Variants in ZC3H12B observed in about 807,000 individuals in gnomAD.
ZC3H12B encodes probable ribonuclease ZC3H12B.
A neutral mutation model predicts 43.9 loss-of-function variants in ZC3H12B; 7 were observed. The ratio of observed to expected loss-of-function variants is 0.16; its 90% CI spans 0.09 to 0.30. The LOEUF (loss-of-function observed/expected upper bound fraction) is 0.30. Among genes scored for constraint, ZC3H12B ranks in the 10% least tolerant of loss-of-function variants. The probability of loss-of-function intolerance (pLI) is 1.00; values close to 1 mark genes in which losing one functional copy is unlikely to be tolerated. For synonymous variants in ZC3H12B, 222 were observed against 241.7 expected, an observed-to-expected ratio of 0.92 and a Z score of 0.76; for missense variants, 475 against 670.2, an observed-to-expected ratio of 0.71 and a Z score of 3.22.
At chrX:65,112,100 C>G in the ZC3H12B span, among the ~76,000 whole-genome samples, 3 of 112,056 alleles carry the variant, frequency 2.7e-5, no homozygotes, top group South Asian at 1.1e-3. Flanking sequence ...ATAAATGACA[C>G]GAAAGTAAAA....
the ZC3H12B span, among the ~76,000 whole-genome samples, chrX:65,227,784 A>G: frequency 2.7e-5 from 3 of 111,750 alleles, no homozygotes; most frequent in Non-Finnish European, 5.6e-5. Context: ...AAAATCTAGA[A>G]GAAATGGATA....
At chrX:65,326,567 GAAAA>G in the ZC3H12B span, among the ~76,000 whole-genome samples, 2 of 102,129 alleles carry the variant, frequency 2.0e-5, no homozygotes, top group Non-Finnish European at 4.0e-5. Context: ...TGCTTGGATA[GAAAA>G]AAAAAAGACC....
intron 3 of ZC3H12B, among the ~76,000 whole-genome samples, chrX:65,468,474 ATTCT>A (rs1369720295): frequency 3.1e-5 from 3 of 96,364 alleles, no homozygotes; most frequent in Non-Finnish European, 6.0e-5. Context: ...AGGATTGTTT[ATTCT>A]TTCTTTCTTT....
chrX:65,299,831 A>G, the ZC3H12B span, among the ~76,000 whole-genome samples: 1 of 112,512 alleles, frequency 8.9e-6, no homozygotes, highest in African/African-American at 3.2e-5. Flanking sequence ...AAAAACTGTG[A>G]GTGCCCAAAG....
chrX:65,457,441 TG>T (rs1420327483), intron 3 of ZC3H12B, among the ~76,000 whole-genome samples: 1 of 71,494 alleles, frequency 1.4e-5, no homozygotes, highest in African/African-American at 7.0e-5. Context: ...GGGAGGGTGG[TG>T]GGGGGGTCAG....
intron 3 of ZC3H12B, among the ~76,000 whole-genome samples, chrX:65,418,563 C>CCCA (rs1416603785): frequency 9.0e-6 from 1 of 111,473 alleles, no homozygotes; most frequent in Non-Finnish European, 1.9e-5. Flanking sequence ...GGTGTGGTTA[C>CCCA]CTTAATGGAC....
intron 2 of ZC3H12B, among the ~76,000 whole-genome samples, chrX:65,376,558 C>T (rs972876154): frequency 3.6e-5 from 4 of 111,678 alleles, no homozygotes; most frequent in African/African-American, 1.3e-4. Context: ...CACCTAGCTC[C>T]AAGCAGCTCA....
chrX:65,264,255 G>A, the ZC3H12B span, among the ~76,000 whole-genome samples: 7 of 111,298 alleles, frequency 6.3e-5, no homozygotes, highest in East Asian at 1.1e-3. Flanking sequence ...AGACTTCACC[G>A]CTATACAGTT....
the ZC3H12B span, among the ~76,000 whole-genome samples, chrX:65,088,630 A>G: frequency 8.9e-6 from 1 of 112,242 alleles, no homozygotes; most frequent in African/African-American, 3.2e-5. Flanking sequence ...AGAATGATGT[A>G]TTGAACTCCT....
the ZC3H12B span, among the ~76,000 whole-genome samples, chrX:65,281,947 G>A: frequency 1.1e-4 from 12 of 111,472 alleles, no homozygotes; most frequent in Admixed American, 5.7e-4. Flanking sequence ...ACGCAAGGAC[G>A]GTTAAACATA....
the ZC3H12B span, among the ~76,000 whole-genome samples, chrX:65,206,682 G>C: frequency 9.0e-6 from 1 of 111,497 alleles, no homozygotes; most frequent in African/African-American, 3.3e-5. Flanking sequence ...AAACTAAAAA[G>C]CTTCTGCACA....
intron 3 of ZC3H12B, among the ~76,000 whole-genome samples, chrX:65,448,504 A>G (rs990316014): frequency 9.0e-6 from 1 of 111,490 alleles, no homozygotes; most frequent in African/African-American, 3.3e-5. Flanking sequence ...CTAAGTGCCC[A>G]TCAACAAATG....
chrX:65,036,041 T>A, the ZC3H12B span, among the ~76,000 whole-genome samples: 139 of 111,787 alleles, frequency 1.2e-3, no homozygotes, highest in African/African-American at 4.4e-3. Flanking sequence ...GTGATATATC[T>A]GTTCTTCCTG....
chrX:65,416,237 T>C (rs919837302), intron 3 of ZC3H12B, among the ~76,000 whole-genome samples: 1 of 111,542 alleles, frequency 9.0e-6, no homozygotes, highest in Non-Finnish European at 1.9e-5. Flanking sequence ...CTCAATAGCC[T>C]CAGAAAAATA....
At chrX:65,219,973 A>G in the ZC3H12B span, among the ~76,000 whole-genome samples, 1 of 111,383 alleles carries the variant, frequency 9.0e-6, no homozygotes, top group Non-Finnish European at 1.9e-5. Context: ...CAGATAAACT[A>G]TACAGAAAAA....
At chrX:65,141,925 G>A in the ZC3H12B span, among the ~76,000 whole-genome samples, 14 of 111,805 alleles carry the variant, frequency 1.3e-4, no homozygotes, top group East Asian at 3.9e-3. Context: ...ATGGGGATTT[G>A]GGTTGGATTC....
At chrX:65,108,281 T>G in the ZC3H12B span, among the ~76,000 whole-genome samples, 1 of 111,838 alleles carries the variant, frequency 8.9e-6, no homozygotes, top group Non-Finnish European at 1.9e-5. Context: ...CTTCGTGAAT[T>G]TTAAAAACAT....
the ZC3H12B span, among the ~76,000 whole-genome samples, chrX:65,190,069 G>T: frequency 8.1e-5 from 9 of 111,533 alleles, no homozygotes; most frequent in Admixed American, 7.6e-4. Flanking sequence ...TTTCCCCATT[G>T]CTTGTTTTTC....
At chrX:65,261,995 T>A in the ZC3H12B span, among the ~76,000 whole-genome samples, 4 of 110,756 alleles carry the variant, frequency 3.6e-5, no homozygotes, top group Non-Finnish European at 7.6e-5. Flanking sequence ...AGAGTTCATG[T>A]ACCCTTAGTA....
Sources: gnomAD v4.1 joint callset for allele counts (sites outside exome capture counted in the v4.1 genomes callset) on GRCh38, gnomAD v4.1.1 for gene constraint, MANE v1.5 for transcripts, NCBI Gene and HGNC (gene_info 2026-07-23, HGNC 2026-07-21) for gene names.